Variants in IL12RB2 observed in about 807,000 individuals in gnomAD.
The protein encoded by IL12RB2 is interleukin-12 receptor subunit beta-2.
A neutral mutation model predicts 89.4 loss-of-function variants in IL12RB2; 82 were observed. The ratio of observed to expected loss-of-function variants is 0.92; its 90% CI spans 0.77 to 1.10. IL12RB2 has a LOEUF of 1.10. IL12RB2 is among the 50% of genes least tolerant of loss of function. IL12RB2 has a pLI of 0.00. For missense variants in IL12RB2, 963 were observed against 1,031.9 expected (o/e 0.93, Z 0.92); for synonymous variants, 368 against 370.1 (o/e 0.99, Z 0.07).
At position 67,367,986 on chromosome 1, in the gene IL12RB2, C is replaced by A; in HGVS notation, c.1420C>A (p.Leu474Ile). 1.2e-6 allele frequency: 2 copies of A among 1,610,560 alleles called. No homozygotes were observed. The highest frequency in any genetic ancestry group is 1.7e-6 in the Non-Finnish European group (2 of 1,176,790). The change falls in exon 11 of 17, where the codon CTA (leucine) becomes ATA (isoleucine). Residue 474 changes from leucine (L) to isoleucine (I), a missense_variant. Physicochemically the swap from Leu to Ile is conservative, Grantham distance 5. Transcript: ENST00000674203. ...TGACACACAGGTCCCTCTAAACTGG[C>A]TACGGAGTCGACCCTACAATGTGTC... ...GGDTQVPLNW[L>I]RSRPYNVSAL... is the part of the protein sequence containing the mutation.
intron 3 of IL12RB2, 108 bp from the exon 4 acceptor site, chr1:67,321,494 T>C (rs1307283519): frequency 1.3e-6 from 1 of 770,482 alleles, no homozygotes; most frequent in Non-Finnish European, 2.4e-6. Context: ...TATATTTGCA[T>C]GATCTGATGG....
chr1:67,341,404 G>C (rs980253929), intron 9 of IL12RB2, among the ~76,000 whole-genome samples: 1 of 150,436 alleles, frequency 6.6e-6, no homozygotes, highest in South Asian at 2.1e-4. Context: ...GGGTGACAGA[G>C]CAAGACAAAG....
chr1:67,330,722 T>A lies in IL12RB2; in HGVS notation c.870T>A (p.Tyr290Ter), dbSNP rs1448159322. 3.3e-6 allele frequency: 5 copies of A among 1,524,736 alleles called. No homozygotes were observed. The highest frequency in any genetic ancestry group is 3.6e-6 in the Non-Finnish European group (4 of 1,098,752). The allele number at this position is 1,524,736 out of a possible 1,614,324, so 94.5% of individuals were successfully genotyped here. A position where few individuals can be genotyped will look rare whatever the true frequency, so the allele number is the denominator to read the frequency against. ...TGGATCTGAAACCATTTACAGAATA[T>A]GAATTTCAGATTTCCTCTAAGCTAC... ...DLLDLKPFTE[Y>*]EFQISSKLHL... The change falls in exon 8 of 17, where the codon TAT (tyrosine) becomes TAA (stop). Residue 290 changes from tyrosine to a stop codon, truncating the protein, a stop_gained. Transcript: ENST00000674203. LOFTEE classifies it high-confidence loss of function.
chr1:67,351,390 AG>A (rs1660819867), intron 10 of IL12RB2, among the ~76,000 whole-genome samples: 1 of 152,244 alleles, frequency 6.6e-6, no homozygotes, highest in South Asian at 2.1e-4. Context: ...ATTGTAGTTA[AG>A]GAAATACTAG....
At chr1:67,321,182 A>T (rs1472754095) in intron 3 of IL12RB2, among the ~76,000 whole-genome samples, 5 of 151,922 alleles carry the variant, frequency 3.3e-5, no homozygotes, top group African/African-American at 4.8e-5. Flanking sequence ...TTCTTGGTAC[A>T]AGTATTTAAG....
At chr1:67,347,465 A>G (rs1237557326) in intron 9 of IL12RB2, among the ~76,000 whole-genome samples, 2 of 152,226 alleles carry the variant, frequency 1.3e-5, no homozygotes, top group Non-Finnish European at 2.9e-5. Context: ...AAACAGATGC[A>G]TTGCATTCTG....
At chr1:67,380,240 G>A in intron 14 of IL12RB2, 117 bp downstream of exon 14, 1 of 1,063,982 alleles carries the variant, frequency 9.4e-7, no homozygotes, top group Non-Finnish European at 1.4e-6. Flanking sequence ...AAACTTTCTT[G>A]CTGTCACTTT....
intron 10 of IL12RB2, among the ~76,000 whole-genome samples, chr1:67,358,662 T>C (rs1661659400): frequency 6.6e-6 from 1 of 151,534 alleles, no homozygotes; most frequent in Non-Finnish European, 1.5e-5. Context: ...GAACAAGATG[T>C]AAGGATAAAA....
rs1487461997 is a variant in IL12RB2 at position 67,379,861 on chromosome 1, T to A, written c.1718-125T>A. Reference sequence around the variant, plus strand: ...TAAGTACTGAGGAATTTGGACTATTTTAAAATAGCAAAATGCTTTTTCCTT... The same window carrying A: ...TAAGTACTGAGGAATTTGGACTATTATAAAATAGCAAAATGCTTTTTCCTT... On this transcript the variant is annotated intron_variant, in intron 13 of 16. Coordinates refer to ENST00000674203, the MANE Select transcript of IL12RB2 (RefSeq NM_001374259.2). The A allele has an allele frequency of 3.7e-6, 3 of 812,526 alleles. No individual in the cohort carries two copies. The African/African-American group carries it at 5.1e-5, about 14-fold the overall frequency. 50.3% of individuals were successfully genotyped at this position (812,526 alleles called of 1,614,324 possible).
chr1:67,350,048 C>T (rs1660662998), intron 9 of IL12RB2, among the ~76,000 whole-genome samples: 1 of 152,192 alleles, frequency 6.6e-6, no homozygotes, highest in African/African-American at 2.4e-5. Flanking sequence ...GGAGGCCCCC[C>T]ACCCATGGAA....
chr1:67,367,720 TC>T, intron 10 of IL12RB2, 104 bp from the exon 11 acceptor site: 1 of 774,144 alleles, frequency 1.3e-6, no homozygotes. Context: ...AACAGATTCT[TC>T]CTAAAACTTT....
Position 67,338,693 on chromosome 1 carries a change from T to C in IL12RB2, c.1028T>C (p.Leu343Pro), listed in dbSNP as rs1259770138. 6.0e-6 allele frequency: 9 copies of C among 1,503,550 alleles called. No individual in the cohort carries two copies. The highest frequency in any genetic ancestry group is 8.3e-6 in the Non-Finnish European group (9 of 1,078,940). 93.1% of individuals were successfully genotyped at this position (1,503,550 alleles called of 1,614,324 possible). Reference protein sequence around the residue: ...HIDYSRQQISLFWKNLSVSEA... With the variant: ...HIDYSRQQISPFWKNLSVSEA... ...GACTACAGTAGACAACAGATTTCTC[T>C]TTTCTGGAAGGTGAGTTTTAAGCGT... is the stretch of plus-strand genomic sequence containing the variant. The change falls in exon 9 of 17, where the codon CTT becomes CCT. Residue 343 changes from leucine (L) to proline (P), a missense_variant. By Grantham distance (98) the Leu-to-Pro change is moderately conservative. Transcript: ENST00000674203.
intron 4 of IL12RB2, among the ~76,000 whole-genome samples, chr1:67,326,134 A>C (rs564305285): frequency 6.6e-6 from 1 of 152,348 alleles, no homozygotes; most frequent in Admixed American, 6.5e-5. Flanking sequence ...GCCCGGGAGG[A>C]CATGACTGAG....
chr1:67,338,939 C>T (rs2100748645), intron 9 of IL12RB2, among the ~76,000 whole-genome samples: 1 of 152,216 alleles, frequency 6.6e-6, no homozygotes, highest in Non-Finnish European at 1.5e-5. Context: ...AGGTCTTTTT[C>T]CATCCCTGGC....
At chr1:67,329,805 CA>C in intron 7 of IL12RB2, 76 bp downstream of exon 7, 1 of 1,013,050 alleles carries the variant, frequency 9.9e-7, no homozygotes. Flanking sequence ...TCTTTTCATA[CA>C]GCAAAAAATA....
chr1:67,338,049 G>A (rs190881916), intron 8 of IL12RB2, among the ~76,000 whole-genome samples: 160 of 151,808 alleles, frequency 1.1e-3, no homozygotes, highest in African/African-American at 3.6e-3. Flanking sequence ...AGTTAAGGCC[G>A]GGTGCAGTGG....
chr1:67,358,446 TG>T (rs2100902570), intron 10 of IL12RB2, among the ~76,000 whole-genome samples: 1 of 151,952 alleles, frequency 6.6e-6, no homozygotes, highest in South Asian at 2.1e-4. Context: ...GATGGTGTTG[TG>T]GGCCTGTAAT....
chr1:67,362,240 C>T (rs1347070569), intron 10 of IL12RB2, among the ~76,000 whole-genome samples: 2 of 150,868 alleles, frequency 1.3e-5, no homozygotes, highest in Non-Finnish European at 2.9e-5. Context: ...CACTGTACTC[C>T]AGCCTGGGTA....
chr1:67,385,360 T>C (rs893943588), intron 14 of IL12RB2, among the ~76,000 whole-genome samples: 38 of 152,128 alleles, frequency 2.5e-4, no homozygotes, highest in African/African-American at 5.8e-4. Context: ...AACTCCCTCA[T>C]AGCATGAGAA....
Sources: gnomAD v4.1 joint callset for allele counts (sites outside exome capture counted in the v4.1 genomes callset) on GRCh38, gnomAD v4.1.1 for gene constraint, MANE v1.5 for transcripts, NCBI Gene and HGNC (gene_info 2026-07-23, HGNC 2026-07-21) for gene names.